The following CSMD1 variants were observed in gnomAD, a reference collection of about 807,000 sequenced individuals.
CSMD1 encodes CUB and sushi domain-containing protein 1.
Under a neutral mutation model 417.5 loss-of-function variants are expected in CSMD1, and 213 were observed. That is an observed-to-expected ratio of 0.51 (90% confidence interval 0.46 to 0.57). CSMD1 has a LOEUF of 0.57. CSMD1 is among the 20% of genes least tolerant of loss of function. The probability of loss-of-function intolerance (pLI) is 0.00; values close to 1 mark genes in which losing one functional copy is unlikely to be tolerated. For missense variants in CSMD1, 6,923 were observed against 4,529.7 expected (o/e 1.53, Z -15.17); for synonymous variants, 2,862 against 1,736.8 (o/e 1.65, Z -16.11).
At chr8:4,991,977 C>G (rs535915954) in intron 1 of CSMD1, among the ~76,000 whole-genome samples, 1 of 152,176 alleles carries the variant, frequency 6.6e-6, no homozygotes, top group Non-Finnish European at 1.5e-5. Flanking sequence ...GCGTCCTGGA[C>G]CCCCTCCGCG....
intron 3 of CSMD1, among the ~76,000 whole-genome samples, chr8:4,408,241 T>C (rs553519792): frequency 2.6e-4 from 39 of 152,288 alleles, no homozygotes; most frequent in Non-Finnish European, 4.7e-4. Context: ...ATTGGTGGTG[T>C]TTCTCTCTCC....
Position 4,302,523 on chromosome 8 carries a change from A to T in CSMD1, c.415+117430T>A, listed in dbSNP as rs149227000. 5.3e-3 allele frequency among the ~76,000 whole-genome samples: 803 copies of T among 152,244 alleles called. 4 individuals are homozygous for T. Among genetic ancestry groups the T allele is most frequent in the African/African-American group, 0.019 (777 of 41,542 alleles). On this transcript the variant is annotated intron_variant, in intron 3 of 69. Coordinates refer to ENST00000635120, the MANE Select transcript of CSMD1 (RefSeq NM_033225.6). ...CCACAGTAGCGTGCTTGCATGTAGG[A>T]AGTCAGATTAAGAGACCGTCTTGAA...
At chr8:3,350,073 G>C (rs528169385) in intron 21 of CSMD1, among the ~76,000 whole-genome samples, 3 of 139,574 alleles carry the variant, frequency 2.1e-5, no homozygotes, top group African/African-American at 8.2e-5. Context: ...GTGTATGTGT[G>C]TGTTATAATA....
At chr8:3,468,871 C>A in intron 11 of CSMD1, 47 bp from the exon 12 acceptor site, 1 of 1,243,956 alleles carries the variant, frequency 8.0e-7, no homozygotes, top group African/African-American at 1.5e-5. Flanking sequence ...GCAACAAGTA[C>A]ATCGACTTCC....
intron 17 of CSMD1, among the ~76,000 whole-genome samples, chr8:3,394,011 A>ATT (rs60493722): frequency 2.6e-4 from 20 of 76,974 alleles, no homozygotes; most frequent in Non-Finnish European, 3.4e-4. Flanking sequence ...AAAAAAATAA[A>ATT]TTATATATAT....
At chr8:4,886,590 G>A (rs1198281882) in intron 1 of CSMD1, among the ~76,000 whole-genome samples, 1 of 151,710 alleles carries the variant, frequency 6.6e-6, no homozygotes, top group Non-Finnish European at 1.5e-5. Flanking sequence ...TTCTTTAATT[G>A]TTTCATATAA....
At chr8:3,975,660 C>T (rs190559190) in intron 5 of CSMD1, among the ~76,000 whole-genome samples, 23 of 152,150 alleles carry the variant, frequency 1.5e-4, no homozygotes, top group African/African-American at 5.1e-4. Flanking sequence ...TTAATGGTCC[C>T]GATTCAGGAA....
At chr8:3,988,647 G>A (rs182865764) in intron 5 of CSMD1, among the ~76,000 whole-genome samples, 8 of 152,238 alleles carry the variant, frequency 5.3e-5, no homozygotes, top group Non-Finnish European at 7.4e-5. Flanking sequence ...TATGTACTTC[G>A]GTCAAAATTC....
chr8:3,683,974 G>A (rs183442259), intron 7 of CSMD1, among the ~76,000 whole-genome samples: 1 of 151,662 alleles, frequency 6.6e-6, no homozygotes, highest in African/African-American at 2.4e-5. Context: ...TCATGTGATT[G>A]AGAAGTATGA....
chr8:4,529,337 G>A (rs1017191855), intron 2 of CSMD1, among the ~76,000 whole-genome samples: 3 of 152,130 alleles, frequency 2.0e-5, no homozygotes, highest in African/African-American at 7.2e-5. Context: ...GAATCCAGCT[G>A]TCTGCTGTTA....
At chr8:3,751,338 A>G (rs866163581) in intron 6 of CSMD1, among the ~76,000 whole-genome samples, 1 of 141,562 alleles carries the variant, frequency 7.1e-6, no homozygotes. Flanking sequence ...ATATATATAT[A>G]TATACACGAA....
intron 26 of CSMD1, among the ~76,000 whole-genome samples, chr8:3,269,030 G>T (rs1486706430): frequency 6.6e-6 from 1 of 152,146 alleles, no homozygotes; most frequent in Admixed American, 6.5e-5. Flanking sequence ...TCTCTCCTTC[G>T]ATTTGTAATC....
At chr8:4,744,786 C>T (rs1029396950) in intron 1 of CSMD1, among the ~76,000 whole-genome samples, 7 of 152,038 alleles carry the variant, frequency 4.6e-5, no homozygotes, top group African/African-American at 1.7e-4. Context: ...TGTAGAATTT[C>T]TTCATTAACT....
chr8:3,213,856 A>G (rs891594186), intron 30 of CSMD1, among the ~76,000 whole-genome samples: 1 of 129,298 alleles, frequency 7.7e-6, no homozygotes, highest in Admixed American at 7.5e-5. Flanking sequence ...ATATACATAC[A>G]CATATATATA....
At chr8:3,147,095 C>T (rs1445960993) in intron 40 of CSMD1, among the ~76,000 whole-genome samples, 1 of 152,128 alleles carries the variant, frequency 6.6e-6, no homozygotes, top group Non-Finnish European at 1.5e-5. Flanking sequence ...GACAGCTGTG[C>T]CCTGAGAATC....
intron 15 of CSMD1, among the ~76,000 whole-genome samples, chr8:3,402,707 C>T (rs1459838578): frequency 6.6e-6 from 1 of 152,030 alleles, no homozygotes; most frequent in Non-Finnish European, 1.5e-5. Flanking sequence ...TAACATTTTT[C>T]TTTCCTAGTT....
chr8:3,201,444 C>G (rs933775758), intron 32 of CSMD1, among the ~76,000 whole-genome samples, 168 bp downstream of exon 32: 1 of 152,068 alleles, frequency 6.6e-6, no homozygotes, highest in Admixed American at 6.6e-5. Context: ...GAGATAAAAA[C>G]ACTTTTGAGA....
chr8:3,218,635 G>T lies in CSMD1; in HGVS notation c.4672+620C>A, dbSNP rs190043698. On this transcript the variant is annotated intron_variant, in intron 29 of 69. Transcript: ENST00000635120. The stretch of plus-strand genomic sequence containing the variant: ...GTCTATAATCACAGCACTTTGGGAG[G>T]CCGAGGCAGGTGGATCACCTGAGGT... Among the ~76,000 whole-genome samples the T allele has an allele frequency of 8.6e-4, 131 of 151,854 alleles. 1 individual carries two copies. The highest frequency in any genetic ancestry group is 3.1e-3 in the African/African-American group (127 of 41,396).
At chr8:3,668,623 G>C (rs1004949126) in intron 7 of CSMD1, among the ~76,000 whole-genome samples, 2 of 152,082 alleles carry the variant, frequency 1.3e-5, no homozygotes, top group Admixed American at 1.3e-4. Context: ...CTGGGGAGAA[G>C]AGACGATCCT....
Sources: gnomAD v4.1 joint callset for allele counts (sites outside exome capture counted in the v4.1 genomes callset) on GRCh38, gnomAD v4.1.1 for gene constraint, MANE v1.5 for transcripts, NCBI Gene and HGNC (gene_info 2026-07-23, HGNC 2026-07-21) for gene names.